The following YWHAQ variants were observed in gnomAD, a reference collection of about 807,000 sequenced individuals.
YWHAQ encodes the protein 14-3-3 protein theta.
Under a neutral mutation model 28.3 loss-of-function variants are expected in YWHAQ, and 6 were observed. The observed-to-expected ratio is 0.21, with a 90% CI of 0.12 to 0.42. YWHAQ has a LOEUF of 0.42. Among genes scored for constraint, YWHAQ ranks in the 10% least tolerant of loss-of-function variants. The pLI is 1.00. For synonymous variants in YWHAQ, 143 were observed against 119.1 expected, an observed-to-expected ratio of 1.20 and a Z score of -1.31; for missense variants, 201 against 305.6, an observed-to-expected ratio of 0.66 and a Z score of 2.55.
In YWHAQ at chr2:9,630,569, A is replaced by C. The variant is rs1335695031; in HGVS notation, c.-82-35T>G. ...GGCGGGGCGGCGAGGCGAGAACAAA[A>C]AGCAGAGAGGGAGCGCCGTCAGACA... On this transcript the variant is annotated intron_variant, in intron 1 of 5. Transcript: ENST00000238081. This position sits in a 1 kb window ranked among gnomAD's most constrained non-coding sequence, Gnocchi z 5.6. 1.9e-6 allele frequency: 2 copies of C among 1,057,984 alleles called. No homozygotes were observed. Among genetic ancestry groups the C allele is most frequent in the African/African-American group, 1.6e-5 (1 of 61,270 alleles). The allele number at this position is 1,057,984 out of a possible 1,614,324, so 65.5% of individuals were successfully genotyped here. A position where few individuals can be genotyped will look rare whatever the true frequency, so the allele number is the denominator to read the frequency against.
At chr2:9,604,714 C>CGT (rs1185968730) in intron 2 of YWHAQ, among the ~76,000 whole-genome samples, 1 of 152,086 alleles carries the variant, frequency 6.6e-6, no homozygotes, top group African/African-American at 2.4e-5. Context: ...AAGGAACTTG[C>CGT]GTATGTGTGG....
chr2:9,611,583 A>G (rs1242502906), intron 2 of YWHAQ, among the ~76,000 whole-genome samples: 1 of 152,142 alleles, frequency 6.6e-6, no homozygotes, highest in Non-Finnish European at 1.5e-5. Context: ...CCCAACACAT[A>G]CACACTCCTA....
At chr2:9,598,945 T>TAA (rs1666632373) in intron 2 of YWHAQ, among the ~76,000 whole-genome samples, 1 of 152,196 alleles carries the variant, frequency 6.6e-6, no homozygotes, top group Admixed American at 6.5e-5. Flanking sequence ...CAAGACAAGC[T>TAA]AAAGCTGGGC....
At chr2:9,615,414 A>G (rs560985463) in intron 2 of YWHAQ, 49 of 152,144 alleles carry the variant, frequency 3.2e-4, no homozygotes, top group African/African-American at 9.4e-4. Context: ...AAAAGAAAAA[A>G]AAAAAAAGAA....
At chr2:9,609,796 C>T (rs1421018546) in intron 2 of YWHAQ, among the ~76,000 whole-genome samples, 2 of 152,172 alleles carry the variant, frequency 1.3e-5, no homozygotes, top group African/African-American at 4.8e-5. Context: ...TAAAGCACCA[C>T]ACAAAAACAG....
chr2:9,628,478 C>T (rs1452620915), intron 2 of YWHAQ, among the ~76,000 whole-genome samples: 1 of 152,232 alleles, frequency 6.6e-6, no homozygotes, highest in African/African-American at 2.4e-5. Flanking sequence ...GGCTCAGAGT[C>T]ACCTTGCTCG....
At chr2:9,593,095 A>G (rs1423998925) in intron 2 of YWHAQ, among the ~76,000 whole-genome samples, 1 of 152,242 alleles carries the variant, frequency 6.6e-6, no homozygotes, top group Non-Finnish European at 1.5e-5. Context: ...ATTAACAAGT[A>G]AGGTTGAGTC....
chr2:9,623,003 T>C (rs1016752853), intron 2 of YWHAQ, among the ~76,000 whole-genome samples: 14 of 152,248 alleles, frequency 9.2e-5, no homozygotes, highest in Admixed American at 9.2e-4. Flanking sequence ...AAACTGGTCT[T>C]AATGATAAAA....
intron 2 of YWHAQ, among the ~76,000 whole-genome samples, chr2:9,603,176 A>T (rs1354703209): frequency 6.6e-6 from 1 of 151,858 alleles, no homozygotes; most frequent in Non-Finnish European, 1.5e-5. Context: ...ACAACAACAA[A>T]CAACCTTCAA....
At chr2:9,623,686 T>C (rs190980526) in intron 2 of YWHAQ, among the ~76,000 whole-genome samples, 132 of 152,230 alleles carry the variant, frequency 8.7e-4, no homozygotes, top group Middle Eastern at 3.4e-3. Context: ...CACAGGAGAA[T>C]TGCTTGAACC....
chr2:9,597,983 C>CTTTT (rs1558543507), intron 2 of YWHAQ, among the ~76,000 whole-genome samples: 11 of 79,088 alleles, frequency 1.4e-4, no homozygotes, highest in African/African-American at 6.6e-4. Flanking sequence ...CCATGCCGGG[C>CTTTT]TATTTTTTTT....
chr2:9,595,793 G>A (rs953544754), intron 2 of YWHAQ, among the ~76,000 whole-genome samples: 1 of 151,954 alleles, frequency 6.6e-6, no homozygotes, highest in Non-Finnish European at 1.5e-5. Flanking sequence ...AATTAAGCAG[G>A]AGCTCCCCCT....
intron 2 of YWHAQ, among the ~76,000 whole-genome samples, chr2:9,601,354 C>T (rs1020466010): frequency 2.0e-4 from 30 of 151,978 alleles, no homozygotes; most frequent in African/African-American, 2.9e-4. Flanking sequence ...CCCAGCTACT[C>T]GGGAGGCTGA....
At chr2:9,626,939 C>T (rs1667258090) in intron 2 of YWHAQ, among the ~76,000 whole-genome samples, 1 of 152,230 alleles carries the variant, frequency 6.6e-6, no homozygotes, top group Admixed American at 6.5e-5. Context: ...ACCTGCATTA[C>T]TCTACAGCCC....
At chr2:9,613,150 A>T (rs1184312195) in intron 2 of YWHAQ, among the ~76,000 whole-genome samples, 1 of 151,994 alleles carries the variant, frequency 6.6e-6, no homozygotes, top group Non-Finnish European at 1.5e-5. Context: ...CTTCAAAAAT[A>T]TTTTTTTTAA....
intron 2 of YWHAQ, among the ~76,000 whole-genome samples, chr2:9,629,378 TTC>T (rs1667309677): frequency 6.6e-6 from 1 of 152,138 alleles, no homozygotes; most frequent in East Asian, 1.9e-4. Flanking sequence ...GCTAAAAATG[TTC>T]TCTCTCACTA....
chr2:9,611,972 T>C (rs1471401200), intron 2 of YWHAQ, among the ~76,000 whole-genome samples: 3 of 152,206 alleles, frequency 2.0e-5, no homozygotes, highest in Non-Finnish European at 4.4e-5. Context: ...CCCATCCCTG[T>C]TTCTATACTT....
At chr2:9,599,293 C>T (rs1199568799) in intron 2 of YWHAQ, among the ~76,000 whole-genome samples, 2 of 152,280 alleles carry the variant, frequency 1.3e-5, no homozygotes, top group Non-Finnish European at 2.9e-5. Flanking sequence ...GCTGAAGGTA[C>T]AAGTGCGAAT....
intron 2 of YWHAQ, among the ~76,000 whole-genome samples, chr2:9,602,894 T>G: frequency 2.1e-5 from 2 of 93,948 alleles, no homozygotes; most frequent in African/African-American, 3.7e-5. Flanking sequence ...TATATATATA[T>G]ATATATATAG....
Sources: gnomAD v4.1 joint callset for allele counts (sites outside exome capture counted in the v4.1 genomes callset) on GRCh38, gnomAD v4.1.1 for gene constraint, Gnocchi (gnomAD v3.1) non-coding constraint, MANE v1.5 for transcripts, NCBI Gene and HGNC (gene_info 2026-07-23, HGNC 2026-07-21) for gene names.